MAST4: variants seen among roughly 807,000 people sequenced by gnomAD.
The protein encoded by MAST4 is microtubule-associated serine/threonine-protein kinase 4.
MAST4 carries 89 observed loss-of-function variants against 162.7 expected under a neutral mutation model. That is an observed-to-expected ratio of 0.55 (90% CI 0.46 to 0.65). The LOEUF (loss-of-function observed/expected upper bound fraction) is 0.65. Among genes scored for constraint, MAST4 ranks in the 30% least tolerant of loss-of-function variants. MAST4 has a pLI of 0.00. For missense variants in MAST4, 3,153 were observed against 3,374.0 expected (o/e 0.93, Z 1.62); for synonymous variants, 1,479 against 1,361.1 (o/e 1.09, Z -1.91).
chr5:66,803,931 G>A (rs1332022058), intron 3 of MAST4, among the ~76,000 whole-genome samples: 2 of 151,392 alleles, frequency 1.3e-5, no homozygotes, highest in African/African-American at 4.8e-5. Flanking sequence ...TATGATAAAT[G>A]CTATGGGCTT....
At chr5:67,004,016 TTCCCCGGAGCGTTGTCAC>T (rs1751609363) in intron 4 of MAST4, 1 of 152,264 alleles carries the variant, frequency 6.6e-6, no homozygotes, top group Non-Finnish European at 1.5e-5. Flanking sequence ...CACTGTGGAC[TTCCCCGGAGCGTTGTCAC>T]TGCCATCCCT....
chr5:67,029,134 A>C (rs975005827), intron 4 of MAST4, among the ~76,000 whole-genome samples: 40 of 85,412 alleles, frequency 4.7e-4, no homozygotes, highest in Admixed American at 3.3e-3. Flanking sequence ...ACACTCTCTC[A>C]AAAAAAAAAA....
intron 4 of MAST4, among the ~76,000 whole-genome samples, chr5:67,045,582 G>A (rs538341917): frequency 6.6e-6 from 1 of 152,278 alleles, no homozygotes. Context: ...TGATTGTAAT[G>A]CCATATTTTT....
At chr5:66,975,263 T>G (rs1747989593) in intron 4 of MAST4, among the ~76,000 whole-genome samples, 1 of 152,316 alleles carries the variant, frequency 6.6e-6, no homozygotes, top group Admixed American at 6.5e-5. Flanking sequence ...TATATCTCTA[T>G]TGTTTTAAGC....
At chr5:66,715,124 A>G (rs1750737498) in intron 1 of MAST4, among the ~76,000 whole-genome samples, 3 of 152,306 alleles carry the variant, frequency 2.0e-5, no homozygotes, top group South Asian at 4.1e-4. Flanking sequence ...CACCTGGAGC[A>G]CAACTGGACT....
intron 1 of MAST4, among the ~76,000 whole-genome samples, chr5:66,622,309 G>C (rs778655255): frequency 1.6e-4 from 25 of 152,256 alleles, no homozygotes; most frequent in South Asian, 1.5e-3. Flanking sequence ...AGAATGGTAA[G>C]AAGGCCAGAG....
intron 4 of MAST4, among the ~76,000 whole-genome samples, chr5:66,904,640 G>A (rs1763225669): frequency 6.6e-5 from 10 of 151,982 alleles, no homozygotes; most frequent in Admixed American, 5.2e-4. Flanking sequence ...CAGTTTCTTA[G>A]CTTTAAGTTC....
intron 3 of MAST4, among the ~76,000 whole-genome samples, chr5:66,827,621 C>G (rs1329073733): frequency 6.6e-6 from 1 of 152,164 alleles, no homozygotes; most frequent in Admixed American, 6.5e-5. Flanking sequence ...CTTCCTTCCC[C>G]TCTCCCACAT....
At chr5:66,877,317 TCCAG>T (rs1761368907) in intron 3 of MAST4, among the ~76,000 whole-genome samples, 1 of 152,176 alleles carries the variant, frequency 6.6e-6, no homozygotes, top group Non-Finnish European at 1.5e-5. Flanking sequence ...TTCCCATGGG[TCCAG>T]CCTGCTTCTA....
intron 4 of MAST4, among the ~76,000 whole-genome samples, chr5:67,000,064 G>A (rs183540763): frequency 7.9e-4 from 120 of 152,290 alleles, no homozygotes; most frequent in African/African-American, 2.7e-3. Flanking sequence ...TGCTCATTCA[G>A]GACAGCCAGT....
intron 3 of MAST4, among the ~76,000 whole-genome samples, chr5:66,809,418 AT>A (rs1756366994): frequency 6.6e-6 from 1 of 152,272 alleles, no homozygotes; most frequent in South Asian, 2.1e-4. Context: ...TAGTGTCCTC[AT>A]TTGGGGGATA....
intron 4 of MAST4, among the ~76,000 whole-genome samples, chr5:67,007,101 G>T (rs1239083060): frequency 6.6e-6 from 1 of 152,116 alleles, no homozygotes; most frequent in Non-Finnish European, 1.5e-5. Context: ...CAGAAGGCTA[G>T]GTATCCTCAT....
Position 66,770,186 on chromosome 5 carries a change from C to T in MAST4, c.517+10324C>T, listed in dbSNP as rs376439870. Among the ~76,000 whole-genome samples the T allele has an allele frequency of 1.2e-4, 19 of 152,300 alleles. No homozygotes were observed. In the East Asian group the frequency reaches 1.9e-3, roughly 15 times the overall value. ...GGTGACAATGCATGGTTTTAAGAAG[C>T]GTTAAAACCATTTATTGTCTTTACT... On this transcript the variant is annotated intron_variant, in intron 2 of 28. Coordinates refer to ENST00000403625, the MANE Select transcript of MAST4 (RefSeq NM_001164664.2).
intron 1 of MAST4, among the ~76,000 whole-genome samples, chr5:66,713,821 G>C (rs1174767436): frequency 6.6e-6 from 1 of 152,150 alleles, no homozygotes; most frequent in Non-Finnish European, 1.5e-5. Context: ...CTTTAGATCT[G>C]AAGACTTAGA....
intron 1 of MAST4, among the ~76,000 whole-genome samples, chr5:66,632,248 C>T (rs1399205424): frequency 6.6e-6 from 1 of 152,092 alleles, no homozygotes; most frequent in Non-Finnish European, 1.5e-5. Context: ...GAATTATTTC[C>T]TTAGTGTTTT....
chr5:66,706,770 G>GT (rs1418825917), intron 1 of MAST4, among the ~76,000 whole-genome samples: 10 of 152,032 alleles, frequency 6.6e-5, no homozygotes, highest in African/African-American at 2.2e-4. Context: ...TGATCCAAAG[G>GT]TTTTGACTTC....
chr5:66,827,084 G>T (rs1482310425), intron 3 of MAST4, among the ~76,000 whole-genome samples: 2 of 152,200 alleles, frequency 1.3e-5, no homozygotes. Flanking sequence ...CCAAAAGATA[G>T]AACAAGGCTG....
At chr5:66,943,450 T>A (rs1221776467) in intron 4 of MAST4, among the ~76,000 whole-genome samples, 2 of 152,108 alleles carry the variant, frequency 1.3e-5, no homozygotes, top group Admixed American at 6.6e-5. Context: ...TAATTTTTTT[T>A]AAGCAAGCAT....
At chr5:66,661,160 G>C (rs1272808449) in intron 1 of MAST4, among the ~76,000 whole-genome samples, 1 of 152,142 alleles carries the variant, frequency 6.6e-6, no homozygotes. Flanking sequence ...CCTAATAGAG[G>C]TTCTCTATAT....
Sources: allele counts gnomAD v4.1 joint callset (sites outside exome capture counted in the v4.1 genomes callset), GRCh38; gene constraint gnomAD v4.1.1; transcripts MANE v1.5; gene names NCBI Gene and HGNC (gene_info 2026-07-23, HGNC 2026-07-21).